The following ZFAT variants were observed in gnomAD, a reference collection of about 807,000 sequenced individuals.
The protein encoded by ZFAT is zinc finger protein ZFAT.
A neutral mutation model predicts 117.7 loss-of-function variants in ZFAT; 64 were observed. The ratio of observed to expected loss-of-function variants is 0.54; its 90% CI spans 0.44 to 0.67. The LOEUF is 0.67. Among genes scored for constraint, ZFAT ranks in the 30% least tolerant of loss-of-function variants. The probability of loss-of-function intolerance (pLI) is 0.00; values close to 1 mark genes in which losing one functional copy is unlikely to be tolerated. For missense variants in ZFAT, 1,433 were observed against 1,584.5 expected (o/e 0.90, Z 1.62); for synonymous variants, 679 against 615.0 (o/e 1.10, Z -1.54).
rs3739425 is a variant in ZFAT at position 134,590,338 on chromosome 8, A to G, written c.2493T>C (p.Ser831=). The G allele has an allele frequency of 0.21, 345,606 of 1,609,716 alleles. 42,171 individuals are homozygous for G. The highest frequency in any genetic ancestry group is 0.52 in the East Asian group (23,400 of 44,814). The change falls in exon 8 of 16, where the codon TCT becomes TCC. Residue 831 remains serine (S), a synonymous_variant. Coordinates refer to ENST00000377838, the MANE Select transcript of ZFAT (RefSeq NM_020863.4). ...AAAAAGACTTTTCACAAACAGGACAAGAATAACTCCTTTTGTCCTTAATAG... is the reference window on the plus strand; with the variant it reads ...AAAAAGACTTTTCACAAACAGGACAGGAATAACTCCTTTTGTCCTTAATAG... ...VHTALDKRSY[S]CPVCEKSFSE...
At chr8:134,486,769 G>A (rs938736137) in intron 15 of ZFAT, among the ~76,000 whole-genome samples, 1 of 152,192 alleles carries the variant, frequency 6.6e-6, no homozygotes, top group Non-Finnish European at 1.5e-5. Context: ...TGAGCACCAC[G>A]ATGAGCAGGA....
intron 2 of ZFAT, among the ~76,000 whole-genome samples, chr8:134,651,161 C>T (rs1474227196): frequency 1.4e-5 from 2 of 139,418 alleles, no homozygotes; most frequent in African/African-American, 5.5e-5. Flanking sequence ...GACATATGAC[C>T]CAGCAATCCC....
chr8:134,482,518 G>C (rs2130026466), intron 15 of ZFAT, among the ~76,000 whole-genome samples: 1 of 152,330 alleles, frequency 6.6e-6, no homozygotes, highest in Middle Eastern at 3.4e-3. Flanking sequence ...AAGCCCTCCT[G>C]AGAAGTATGC....
chr8:134,558,072 T>A (rs928347990), intron 11 of ZFAT, among the ~76,000 whole-genome samples: 1 of 152,234 alleles, frequency 6.6e-6, no homozygotes, highest in Admixed American at 6.5e-5. Context: ...ACTGAAAGCA[T>A]CTTCTGGGTT....
upstream of ZFAT, among the ~76,000 whole-genome samples, chr8:134,715,505 G>A (rs1387435641): frequency 6.6e-6 from 1 of 152,190 alleles, no homozygotes; most frequent in Non-Finnish European, 1.5e-5. Flanking sequence ...TCCACAGCTG[G>A]CTCTTCCACG....
chr8:134,514,264 A>G (rs1820083858), intron 13 of ZFAT, among the ~76,000 whole-genome samples: 2 of 152,224 alleles, frequency 1.3e-5, no homozygotes, highest in African/African-American at 4.8e-5. Context: ...ATAAAGTGCT[A>G]GCATCAGCTG....
At chr8:134,657,776 C>A in intron 1 of ZFAT, 39 bp from the exon 2 acceptor site, 1 of 1,592,010 alleles carries the variant, frequency 6.3e-7, no homozygotes, top group Non-Finnish European at 8.6e-7. Flanking sequence ...ATTTCATCTC[C>A]ACATAAACAA....
At position 134,671,961 on chromosome 8, in the gene ZFAT, C is replaced by T. The variant is rs1254650210; in HGVS notation, c.20-14224G>A. On this transcript the variant is annotated intron_variant, in intron 1 of 15. Transcript: ENST00000377838. Reference sequence around the variant, plus strand: ...CACAAGCATTCTTATACACCAATAACGGACAAACAGAGAGCCAAATCATGA... The same window carrying T: ...CACAAGCATTCTTATACACCAATAATGGACAAACAGAGAGCCAAATCATGA... 2.8e-4 allele frequency among the ~76,000 whole-genome samples: 43 copies of T among 152,230 alleles called. 1 individual carries two copies. The South Asian group carries it at 2.9e-3, about 10-fold the overall frequency.
rs1240425778 is a variant in ZFAT at position 134,543,464 on chromosome 8, T to G, written c.2977-10492A>C. ...GCCATTCCTTTTTGACTGAGAACAC[T>G]CCCCACCTGCTCTCTCTACTTCACT... On this transcript the variant is annotated intron_variant, in intron 11 of 15. Coordinates refer to ENST00000377838, the MANE Select transcript of ZFAT (RefSeq NM_020863.4). 1.3e-5 allele frequency among the ~76,000 whole-genome samples: 2 copies of G among 152,248 alleles called. 1 individual carries two copies. Among genetic ancestry groups the G allele is most frequent in the South Asian group, 4.1e-4 (2 of 4,834 alleles).
At chr8:134,524,571 G>C (rs1820889930) in intron 12 of ZFAT, among the ~76,000 whole-genome samples, 1 of 152,184 alleles carries the variant, frequency 6.6e-6, no homozygotes, top group South Asian at 2.1e-4. Flanking sequence ...AGGAACTTTT[G>C]GTTGGCACAA....
rs16905159 is a variant in ZFAT, at chr8:134,509,184, C to A, written c.3492+435G>T. On this transcript the variant is annotated intron_variant, in intron 15 of 15. Transcript: ENST00000377838. The stretch of plus-strand genomic sequence containing the variant: ...GAGCAGTATCCTGTGTTGATCTGAT[C>A]GGGTGGTTACTATTTAGGAAGGCCA... 7.2e-3 allele frequency among the ~76,000 whole-genome samples: 1,101 copies of A among 151,940 alleles called. 22 individuals carry two copies. Among genetic ancestry groups the A allele is most frequent in the African/African-American group, 0.026 (1,066 of 41,414 alleles).
chr8:134,636,809 C>T (rs761482005), intron 3 of ZFAT, among the ~76,000 whole-genome samples: 1 of 152,250 alleles, frequency 6.6e-6, no homozygotes, highest in Non-Finnish European at 1.5e-5. Flanking sequence ...CATTCCCTGA[C>T]CACATCTATC....
chr8:134,701,847 T>C (rs76131800), intron 1 of ZFAT, among the ~76,000 whole-genome samples: 2,304 of 152,340 alleles, frequency 0.015, 68 homozygotes, highest in African/African-American at 0.053. Context: ...TGGGGCTTGC[T>C]ATGCTTTCAA....
the ZFAT span, among the ~76,000 whole-genome samples, chr8:134,732,768 A>G: frequency 6.6e-6 from 1 of 152,196 alleles, no homozygotes; most frequent in Non-Finnish European, 1.5e-5. Flanking sequence ...AAGCACAACT[A>G]TAGAGACAGT....
chr8:134,807,294 G>C, the ZFAT span, among the ~76,000 whole-genome samples: 8 of 152,104 alleles, frequency 5.3e-5, no homozygotes, highest in African/African-American at 1.9e-4. Context: ...CTCTTCCTAT[G>C]TGACAATCCA....
intron 9 of ZFAT, among the ~76,000 whole-genome samples, chr8:134,586,279 A>T (rs1299876983): frequency 6.6e-6 from 1 of 152,254 alleles, no homozygotes; most frequent in Non-Finnish European, 1.5e-5. Context: ...TTACTGCATC[A>T]TCACAAGTCT....
Position 134,697,069 on chromosome 8 carries a change from C to T in ZFAT, c.19+15776G>A, listed in dbSNP as rs553950287. On this transcript the variant is annotated intron_variant, in intron 1 of 15. Transcript: ENST00000377838. Reference sequence around the variant, plus strand: ...AGTAGCTGGGATTACAGGTGCCCACCGCCACATCTGGCTAATTGTTTTGGT... The same window carrying T: ...AGTAGCTGGGATTACAGGTGCCCACTGCCACATCTGGCTAATTGTTTTGGT... 2.6e-5 allele frequency among the ~76,000 whole-genome samples: 4 copies of T among 151,584 alleles called. No individual in the cohort carries two copies. The East Asian group carries it at 5.9e-4, about 22-fold the overall frequency.
chr8:134,812,243 A>C, the ZFAT span, among the ~76,000 whole-genome samples: 1 of 152,258 alleles, frequency 6.6e-6, no homozygotes, highest in Non-Finnish European at 1.5e-5. Flanking sequence ...TGCTAAGCTC[A>C]GAGGCAGGCA....
At chr8:134,674,103 T>C (rs1220968560) in intron 1 of ZFAT, among the ~76,000 whole-genome samples, 2 of 152,106 alleles carry the variant, frequency 1.3e-5, no homozygotes, top group Non-Finnish European at 2.9e-5. Flanking sequence ...GGACAGTGGG[T>C]GTACCCCAGA....
Sources: gnomAD v4.1 joint callset for allele counts (sites outside exome capture counted in the v4.1 genomes callset) on GRCh38, gnomAD v4.1.1 for gene constraint, MANE v1.5 for transcripts, NCBI Gene and HGNC (gene_info 2026-07-23, HGNC 2026-07-21) for gene names.